KHDRBS2: variants seen among roughly 807,000 people sequenced by gnomAD.
The protein encoded by KHDRBS2 is KH domain-containing, RNA-binding, signal transduction-associated protein 2.
A neutral mutation model predicts 44.3 loss-of-function variants in KHDRBS2; 26 were observed. The ratio of observed to expected loss-of-function variants is 0.59; its 90% CI spans 0.43 to 0.81. The LOEUF is 0.81. Among genes scored for constraint, KHDRBS2 ranks in the 40% least tolerant of loss-of-function variants. The pLI is 0.00. For missense variants in KHDRBS2, 476 were observed against 433.1 expected (o/e 1.10, Z -0.88); for synonymous variants, 194 against 151.1 (o/e 1.28, Z -2.08).
At chr6:62,078,014 A>G (rs1398174878) in intron 2 of KHDRBS2, among the ~76,000 whole-genome samples, 3 of 152,078 alleles carry the variant, frequency 2.0e-5, no homozygotes, top group Non-Finnish European at 4.4e-5. Context: ...GAAAATGCAC[A>G]CGTAGCATCA....
intron 6 of KHDRBS2, among the ~76,000 whole-genome samples, chr6:61,820,767 T>C (rs1296958751): frequency 6.6e-6 from 1 of 152,028 alleles, no homozygotes; most frequent in Non-Finnish European, 1.5e-5. Flanking sequence ...AGATTTCTTA[T>C]GGTCTTCTCC....
intron 6 of KHDRBS2, among the ~76,000 whole-genome samples, chr6:61,771,163 C>A (rs908092794): frequency 6.6e-6 from 1 of 151,596 alleles, no homozygotes; most frequent in African/African-American, 2.4e-5. Flanking sequence ...ACCAGGCCTG[C>A]CCTAAAAGAA....
chr6:62,053,467 G>A (rs1789545691), intron 2 of KHDRBS2, among the ~76,000 whole-genome samples: 1 of 151,836 alleles, frequency 6.6e-6, no homozygotes, highest in African/African-American at 2.4e-5. Context: ...AGGTATACAA[G>A]TATTTTAAGA....
At chr6:62,087,073 T>C (rs1374875583) in intron 2 of KHDRBS2, among the ~76,000 whole-genome samples, 2 of 152,132 alleles carry the variant, frequency 1.3e-5, no homozygotes, top group African/African-American at 4.8e-5. Context: ...TTATAAGACA[T>C]GTATGAACCT....
intron 4 of KHDRBS2, among the ~76,000 whole-genome samples, chr6:61,974,446 A>G (rs1772082211): frequency 6.6e-6 from 1 of 152,180 alleles, no homozygotes; most frequent in South Asian, 2.1e-4. Flanking sequence ...ATATTAGTTT[A>G]GGATTTTATA....
At chr6:62,011,374 C>T (rs1466269841) in intron 3 of KHDRBS2, among the ~76,000 whole-genome samples, 4 of 151,882 alleles carry the variant, frequency 2.6e-5, no homozygotes, top group Admixed American at 6.6e-5. Context: ...AAATAAAAAC[C>T]GAAAGTAAAC....
At chr6:61,924,915 T>C (rs16880462) in intron 4 of KHDRBS2, among the ~76,000 whole-genome samples, 12,190 of 152,172 alleles carry the variant, frequency 0.08, 492 homozygotes, top group Middle Eastern at 0.14. Context: ...CTCTTTGGCT[T>C]TACGTTTGTA....
chr6:62,226,800 T>C (rs76173267), intron 1 of KHDRBS2, among the ~76,000 whole-genome samples: 1 of 152,128 alleles, frequency 6.6e-6, no homozygotes, highest in Admixed American at 6.6e-5. Context: ...CCATTACTTG[T>C]TTTTTTCCAG....
the KHDRBS2 span, among the ~76,000 whole-genome samples, chr6:61,613,213 CA>C: frequency 6.6e-6 from 1 of 152,122 alleles, no homozygotes; most frequent in Non-Finnish European, 1.5e-5. Flanking sequence ...CTATAGAATA[CA>C]AGGGTCAGGA....
chr6:62,220,046 G>A (rs1830644198), intron 1 of KHDRBS2, among the ~76,000 whole-genome samples: 1 of 150,884 alleles, frequency 6.6e-6, no homozygotes, highest in African/African-American at 2.4e-5. Context: ...ACTATAAGTA[G>A]GGAAAAAAGA....
intron 6 of KHDRBS2, among the ~76,000 whole-genome samples, chr6:61,876,880 C>G (rs1024818604): frequency 6.6e-6 from 1 of 151,984 alleles, no homozygotes; most frequent in Non-Finnish European, 1.5e-5. Context: ...TTTTTGCCAT[C>G]ATTGCCGAAA....
At chr6:61,762,066 A>G (rs1779346489) in intron 6 of KHDRBS2, among the ~76,000 whole-genome samples, 2 of 152,230 alleles carry the variant, frequency 1.3e-5, no homozygotes, top group East Asian at 3.8e-4. Flanking sequence ...AAAATGATTT[A>G]AACTAGCAAA....
intron 3 of KHDRBS2, among the ~76,000 whole-genome samples, chr6:62,043,723 A>T (rs1378344752): frequency 6.6e-6 from 1 of 152,124 alleles, no homozygotes; most frequent in African/African-American, 2.4e-5. Context: ...GAGATAACAC[A>T]AAGAAAAACA....
At position 61,977,119 on chromosome 6, in the gene KHDRBS2, T is replaced by C. The variant is rs574907889; in HGVS notation, c.483+947A>G. ...GGTTTTATTTTTCTTTTCCCATTCT[T>C]AAAATCACTGCCAATCAATGAACCT... On this transcript the variant is annotated intron_variant, in intron 4 of 8. Coordinates refer to ENST00000281156, the MANE Select transcript of KHDRBS2 (RefSeq NM_152688.4). 1.6e-4 allele frequency among the ~76,000 whole-genome samples: 25 copies of C among 152,266 alleles called. No individual in the cohort carries two copies. The East Asian group carries it at 2.7e-3, about 16-fold the overall frequency.
chr6:62,191,565 A>G (rs1824616218), intron 1 of KHDRBS2, among the ~76,000 whole-genome samples: 1 of 152,104 alleles, frequency 6.6e-6, no homozygotes, highest in Non-Finnish European at 1.5e-5. Context: ...TATCACATTT[A>G]TTATTTTTCA....
At chr6:61,968,535 G>A (rs983434429) in intron 4 of KHDRBS2, among the ~76,000 whole-genome samples, 33 of 152,022 alleles carry the variant, frequency 2.2e-4, no homozygotes, top group African/African-American at 8.0e-4. Flanking sequence ...AGGAAAAATT[G>A]CACCTGTGTT....
At chr6:62,061,686 C>G (rs1239845356) in intron 2 of KHDRBS2, among the ~76,000 whole-genome samples, 2 of 151,018 alleles carry the variant, frequency 1.3e-5, no homozygotes, top group South Asian at 2.1e-4. Flanking sequence ...ATCTTTGTGG[C>G]CTTCTCTGTA....
rs1766228025 is a variant in KHDRBS2 at position 61,680,961 on chromosome 6, C to G, written c.*2G>C. 6.3e-7 allele frequency: 1 copy of G among 1,598,792 alleles called. No homozygotes were observed. The highest frequency in any genetic ancestry group is 1.3e-5 in the African/African-American group (1 of 74,444). On this transcript the variant is annotated 3_prime_UTR_variant, in exon 9 of 9. Coordinates refer to ENST00000281156, the MANE Select transcript of KHDRBS2 (RefSeq NM_152688.4). Reference sequence around the variant, plus strand: ...AGGTGAGGTCACAGGTGGGAAGGACCTTCAATATCTACCATAGGGGTGTTC... The same window carrying G: ...AGGTGAGGTCACAGGTGGGAAGGACGTTCAATATCTACCATAGGGGTGTTC...
At chr6:61,897,586 T>C (rs1278767923) in intron 5 of KHDRBS2, among the ~76,000 whole-genome samples, 3 of 152,170 alleles carry the variant, frequency 2.0e-5, no homozygotes, top group East Asian at 1.9e-4. Flanking sequence ...TTAATTCATA[T>C]AAATGTTAAT....
Sources: allele counts gnomAD v4.1 joint callset (sites outside exome capture counted in the v4.1 genomes callset), GRCh38; gene constraint gnomAD v4.1.1; transcripts MANE v1.5; gene names NCBI Gene and HGNC (gene_info 2026-07-23, HGNC 2026-07-21).